SGCD: variants seen among roughly 807,000 people sequenced by gnomAD.
The protein encoded by SGCD is sarcoglycan delta.
SGCD carries 18 observed loss-of-function variants against 36.6 expected under a neutral mutation model. The ratio of observed to expected loss-of-function variants is 0.49; its 90% CI spans 0.34 to 0.73. The LOEUF is 0.73. Ranked by LOEUF, SGCD falls within the 30% of genes least tolerant of loss-of-function variation. The pLI, the probability that SGCD is intolerant of heterozygous loss-of-function variation, is 0.01. For missense variants in SGCD, 387 were observed against 346.7 expected (o/e 1.12, Z -0.92); for synonymous variants, 133 against 130.6 (o/e 1.02, Z -0.12).
chr5:156,422,673 AT>A (rs1011617837), intron 3 of SGCD, among the ~76,000 whole-genome samples: 48 of 152,140 alleles, frequency 3.2e-4, no homozygotes, highest in African/African-American at 1.1e-3. Context: ...CACTTTTGAC[AT>A]TTTGGGCTAG....
intron 3 of SGCD, among the ~76,000 whole-genome samples, chr5:156,496,094 C>A (rs765572471): frequency 1.3e-5 from 2 of 152,128 alleles, no homozygotes; most frequent in Non-Finnish European, 1.5e-5. Flanking sequence ...CTGACAAAAA[C>A]CTACATGAGT....
Position 156,300,448 on chromosome 5 carries a change from A to G in SGCD, c.-43-29086A>G, listed in dbSNP as rs577591878. 1.9e-4 allele frequency among the ~76,000 whole-genome samples: 29 copies of G among 152,052 alleles called. No individual in the cohort carries two copies. The East Asian group carries it at 4.1e-3, about 21-fold the overall frequency. On this transcript the variant is annotated intron_variant, in intron 3 of 9. Coordinates refer to the SGCD transcript ENST00000517913. ...GTTTCCAAAATTCCTCTTGTAATTG[A>G]TTTCCAGTTTTATTCTATTGTTGTC...
intron 6 of SGCD, among the ~76,000 whole-genome samples, chr5:156,608,990 C>T (rs1199110916): frequency 2.0e-5 from 3 of 152,080 alleles, no homozygotes; most frequent in Admixed American, 6.5e-5. Flanking sequence ...GGTCTTGACT[C>T]TTTATCCAAT....
chr5:155,861,124 A>C, the SGCD span, among the ~76,000 whole-genome samples: 2 of 152,184 alleles, frequency 1.3e-5, no homozygotes, highest in Admixed American at 1.3e-4. Context: ...CCGAATTCCT[A>C]CAACGTGCCA....
At chr5:155,855,221 C>T in the SGCD span, among the ~76,000 whole-genome samples, 1 of 152,172 alleles carries the variant, frequency 6.6e-6, no homozygotes, top group Non-Finnish European at 1.5e-5. Context: ...CCCCCCTCGG[C>T]AACTCTACTG....
intron 1 of SGCD, among the ~76,000 whole-genome samples, chr5:156,058,509 C>T (rs1760117868): frequency 6.9e-6 from 1 of 145,630 alleles, no homozygotes; most frequent in African/African-American, 2.5e-5. Context: ...AACGGGCTTC[C>T]AGGAATGCTG....
At chr5:156,140,190 G>A (rs989888984) in intron 3 of SGCD, among the ~76,000 whole-genome samples, 1 of 152,252 alleles carries the variant, frequency 6.6e-6, no homozygotes. Context: ...GAGCAGTGGA[G>A]TTGTTGCTAT....
the SGCD span, among the ~76,000 whole-genome samples, chr5:155,786,050 A>G: frequency 6.6e-6 from 1 of 152,106 alleles, no homozygotes; most frequent in East Asian, 1.9e-4. Flanking sequence ...ATGTGATCAT[A>G]TTTTCTCTCT....
chr5:155,728,672 C>A, the SGCD span, among the ~76,000 whole-genome samples: 1 of 152,120 alleles, frequency 6.6e-6, no homozygotes, highest in Non-Finnish European at 1.5e-5. Flanking sequence ...AGTCCCTTGT[C>A]TATCCCGGAG....
chr5:156,736,923 G>A (rs952858293), intron 7 of SGCD, among the ~76,000 whole-genome samples: 13 of 151,936 alleles, frequency 8.6e-5, no homozygotes, highest in South Asian at 2.1e-4. Flanking sequence ...CCTCCATATC[G>A]CTTTTAAATA....
intron 3 of SGCD, among the ~76,000 whole-genome samples, chr5:156,504,379 T>TGG (rs530122019): frequency 8.2e-6 from 1 of 121,550 alleles, no homozygotes; most frequent in East Asian, 2.2e-4. Flanking sequence ...TGAGTATATG[T>TGG]GGGTGTGTGT....
At chr5:156,017,076 T>G (rs1264789277) in intron 1 of SGCD, among the ~76,000 whole-genome samples, 2 of 152,212 alleles carry the variant, frequency 1.3e-5, no homozygotes, top group African/African-American at 4.8e-5. Context: ...ATCATTATGC[T>G]TTTGAATGTG....
At chr5:156,109,947 T>A (rs1761745453) in intron 1 of SGCD, among the ~76,000 whole-genome samples, 1 of 152,220 alleles carries the variant, frequency 6.6e-6, no homozygotes, top group African/African-American at 2.4e-5. Flanking sequence ...TTGACATATG[T>A]CAGAAGACCT....
At chr5:156,408,190 T>G (rs916872247) in intron 3 of SGCD, among the ~76,000 whole-genome samples, 2 of 152,138 alleles carry the variant, frequency 1.3e-5, no homozygotes, top group Non-Finnish European at 2.9e-5. Flanking sequence ...GTATGAGTGT[T>G]TCTTGAAGCT....
At chr5:156,239,154 C>G (rs925159530) in intron 3 of SGCD, among the ~76,000 whole-genome samples, 8 of 152,002 alleles carry the variant, frequency 5.3e-5, no homozygotes, top group Middle Eastern at 3.2e-3. Flanking sequence ...AATCCCAGCA[C>G]TTTGGGAGGC....
the SGCD span, among the ~76,000 whole-genome samples, chr5:155,754,371 A>C: frequency 6.6e-6 from 1 of 152,240 alleles, no homozygotes; most frequent in Admixed American, 6.5e-5. Context: ...GTGAGCAGGC[A>C]GGCCATGAAT....
intron 6 of SGCD, among the ~76,000 whole-genome samples, chr5:156,646,269 C>A (rs1050605918): frequency 1.3e-5 from 2 of 152,190 alleles, no homozygotes; most frequent in African/African-American, 4.8e-5. Context: ...CAATCATTTG[C>A]CACCGCTGCC....
chr5:155,864,060 G>C, the SGCD span, among the ~76,000 whole-genome samples: 17 of 152,074 alleles, frequency 1.1e-4, no homozygotes, highest in African/African-American at 4.1e-4. Flanking sequence ...GCTGCCCAAG[G>C]GATAATGACA....
intron 1 of SGCD, among the ~76,000 whole-genome samples, chr5:156,082,368 G>A (rs1760978099): frequency 6.6e-6 from 1 of 152,026 alleles, no homozygotes; most frequent in African/African-American, 2.4e-5. Flanking sequence ...TGGAGTATCT[G>A]TTTCTGAGCC....
Sources: gnomAD v4.1 joint callset for allele counts (sites outside exome capture counted in the v4.1 genomes callset) on GRCh38, gnomAD v4.1.1 for gene constraint, MANE v1.5 for transcripts, NCBI Gene and HGNC (gene_info 2026-07-23, HGNC 2026-07-21) for gene names.